The following ARHGAP24 variants were observed in gnomAD, a reference collection of about 807,000 sequenced individuals.
ARHGAP24 encodes rho GTPase-activating protein 24.
ARHGAP24 carries 50 observed loss-of-function variants against 76.4 expected under a neutral mutation model. The observed-to-expected ratio is 0.65, with a 90% CI of 0.52 to 0.83. The LOEUF (loss-of-function observed/expected upper bound fraction) is 0.83. Among genes scored for constraint, ARHGAP24 ranks in the 40% least tolerant of loss-of-function variants. The probability of loss-of-function intolerance (pLI) is 0.00; values close to 1 mark genes in which losing one functional copy is unlikely to be tolerated. For synonymous variants in ARHGAP24, 345 were observed against 323.3 expected, an observed-to-expected ratio of 1.07 and a Z score of -0.72; for missense variants, 930 against 914.2, an observed-to-expected ratio of 1.02 and a Z score of -0.22.
At chr4:85,626,305 G>A (rs929967545) in intron 2 of ARHGAP24, among the ~76,000 whole-genome samples, 1 of 152,048 alleles carries the variant, frequency 6.6e-6, no homozygotes, top group Non-Finnish European at 1.5e-5. Context: ...GTCTGTAAAG[G>A]ATTTTATTTC....
At chr4:85,504,377 C>T (rs1215372840) in intron 1 of ARHGAP24, among the ~76,000 whole-genome samples, 2 of 152,164 alleles carry the variant, frequency 1.3e-5, no homozygotes, top group Non-Finnish European at 2.9e-5. Flanking sequence ...TCACTCAGGA[C>T]TTGCTTTATG....
chr4:85,976,259 T>C (rs1739314607), intron 7 of ARHGAP24, among the ~76,000 whole-genome samples: 1 of 152,232 alleles, frequency 6.6e-6, no homozygotes, highest in Admixed American at 6.5e-5. Context: ...TAGTTTAGGC[T>C]GTATAACAGT....
intron 2 of ARHGAP24, among the ~76,000 whole-genome samples, chr4:85,709,865 T>C (rs985700965): frequency 2.6e-5 from 4 of 151,686 alleles, no homozygotes; most frequent in Non-Finnish European, 4.4e-5. Context: ...GAAATCAGAG[T>C]TGATACAAAC....
At chr4:85,769,791 G>T (rs1450901316) in intron 3 of ARHGAP24, among the ~76,000 whole-genome samples, 2 of 152,064 alleles carry the variant, frequency 1.3e-5, no homozygotes, top group Non-Finnish European at 2.9e-5. Flanking sequence ...GTTTCACCAT[G>T]TTAGCCAGGC....
intron 9 of ARHGAP24, 35 bp from the exon 10 acceptor site, chr4:86,000,444 T>TGGGGGGGC: frequency 1.6e-6 from 1 of 616,722 alleles, no homozygotes; most frequent in Non-Finnish European, 2.7e-6. Context: ...TACTCTTGCG[T>TGGGGGGGC]CCCCACCCCC....
intron 6 of ARHGAP24, 150 bp from the exon 7 acceptor site, chr4:85,974,738 C>G: frequency 1.6e-6 from 1 of 635,078 alleles, no homozygotes; most frequent in East Asian, 2.8e-5. Flanking sequence ...CTAAAATATT[C>G]ACTGTGATGG....
chr4:85,929,190 G>T (rs778831031), intron 4 of ARHGAP24, among the ~76,000 whole-genome samples: 4 of 152,190 alleles, frequency 2.6e-5, no homozygotes, highest in Non-Finnish European at 5.9e-5. Flanking sequence ...TCGTGGTGCT[G>T]AGTTACACTT....
At chr4:85,865,643 C>T (rs968406180) in intron 3 of ARHGAP24, among the ~76,000 whole-genome samples, 11 of 150,244 alleles carry the variant, frequency 7.3e-5, no homozygotes, top group African/African-American at 2.7e-4. Flanking sequence ...TTGTGTTTTT[C>T]AGAATTACAA....
chr4:85,952,162 A>G (rs1428131119), intron 5 of ARHGAP24, among the ~76,000 whole-genome samples: 1 of 152,238 alleles, frequency 6.6e-6, no homozygotes, highest in Non-Finnish European at 1.5e-5. Context: ...AGATGTGTCA[A>G]AATTCAGCTA....
intron 3 of ARHGAP24, among the ~76,000 whole-genome samples, chr4:85,905,701 C>G (rs972390960): frequency 2.0e-5 from 3 of 152,146 alleles, no homozygotes; most frequent in African/African-American, 4.8e-5. Context: ...CACCTTACTC[C>G]TAAATGCATG....
At chr4:85,959,111 C>T (rs1258243340) in intron 5 of ARHGAP24, among the ~76,000 whole-genome samples, 1 of 152,164 alleles carries the variant, frequency 6.6e-6, no homozygotes, top group African/African-American at 2.4e-5. Context: ...GCAGCCCCGA[C>T]GGCTGCTGGT....
In ARHGAP24 at chr4:86,002,245, C is replaced by G. The variant is rs979593333; in HGVS notation, c.*1523C>G. 2.6e-5 allele frequency: 4 copies of G among 152,326 alleles called. No individual in the cohort carries two copies. The highest frequency in any genetic ancestry group is 2.1e-4 in the South Asian group (1 of 4,822). 9.4% of individuals were successfully genotyped at this position (152,326 alleles called of 1,614,324 possible). On this transcript the variant is annotated 3_prime_UTR_variant, in exon 10 of 10. Transcript: ENST00000395184. ...TCAAGAGGGAAAGTGGTCTGTACTG[C>G]TTTCATCCTTGCCACTGTCTTGCTT...
chr4:85,896,286 A>C (rs948836219), intron 3 of ARHGAP24, among the ~76,000 whole-genome samples: 1 of 152,216 alleles, frequency 6.6e-6, no homozygotes, highest in Non-Finnish European at 1.5e-5. Flanking sequence ...GTTTACGATT[A>C]GTTTTTAAGT....
At chr4:85,571,181 T>C (rs1004503731) in intron 2 of ARHGAP24, among the ~76,000 whole-genome samples, 52 of 152,362 alleles carry the variant, frequency 3.4e-4, no homozygotes, top group African/African-American at 1.2e-3. Flanking sequence ...ACATAAAATA[T>C]GGATGTGGTA....
intron 2 of ARHGAP24, among the ~76,000 whole-genome samples, chr4:85,622,784 C>A (rs1336573685): frequency 6.6e-6 from 1 of 152,150 alleles, no homozygotes; most frequent in Non-Finnish European, 1.5e-5. Context: ...TTAATGATCG[C>A]CATTCTAACT....
chr4:85,519,662 A>G (rs17010313), intron 1 of ARHGAP24, among the ~76,000 whole-genome samples: 17,748 of 152,158 alleles, frequency 0.12, 1,574 homozygotes, highest in East Asian at 0.33. Flanking sequence ...AAGCCCTTAC[A>G]AAGCAGCAAT....
intron 3 of ARHGAP24, among the ~76,000 whole-genome samples, chr4:85,779,456 C>T (rs142417345): frequency 3.9e-4 from 60 of 152,280 alleles, no homozygotes; most frequent in East Asian, 1.2e-3. Flanking sequence ...GCTCACTAAA[C>T]TCATCACAGC....
intron 2 of ARHGAP24, among the ~76,000 whole-genome samples, chr4:85,663,941 T>C (rs1722507043): frequency 2.0e-5 from 3 of 152,028 alleles, no homozygotes; most frequent in Admixed American, 2.0e-4. Flanking sequence ...TTGAGGATTT[T>C]TGTATCAATG....
At chr4:85,961,212 C>T (rs989652432) in intron 5 of ARHGAP24, among the ~76,000 whole-genome samples, 3 of 152,104 alleles carry the variant, frequency 2.0e-5, no homozygotes, top group African/African-American at 7.2e-5. Flanking sequence ...GTGTTCCCCT[C>T]AATTTATACA....
Sources: gnomAD v4.1 joint callset for allele counts (sites outside exome capture counted in the v4.1 genomes callset) on GRCh38, gnomAD v4.1.1 for gene constraint, MANE v1.5 for transcripts, NCBI Gene and HGNC (gene_info 2026-07-23, HGNC 2026-07-21) for gene names.